Variants in CCSER1 observed in about 807,000 individuals in gnomAD.
CCSER1 encodes the protein coiled-coil serine rich protein 1.
In CCSER1, 41 loss-of-function variants were observed where a neutral mutation model predicts 82.0. That is an observed-to-expected ratio of 0.50 (90% confidence interval 0.39 to 0.65). The LOEUF is 0.65. CCSER1 is among the 30% of genes least tolerant of loss of function. The pLI, the probability that CCSER1 is intolerant of heterozygous loss-of-function variation, is 0.00. For missense variants in CCSER1, 1,119 were observed against 1,064.2 expected (o/e 1.05, Z -0.72); for synonymous variants, 414 against 383.9 (o/e 1.08, Z -0.92).
chr4:90,155,682 A>T (rs1176671303), intron 1 of CCSER1, among the ~76,000 whole-genome samples: 1 of 152,180 alleles, frequency 6.6e-6, no homozygotes, highest in Non-Finnish European at 1.5e-5. Context: ...TGTTCATAGT[A>T]TTCTCTGATG....
Position 91,343,599 on chromosome 4 carries a change from G to A in CCSER1, c.2218-254973G>A, listed in dbSNP as rs1388627396. Among the ~76,000 whole-genome samples the A allele has an allele frequency of 1.2e-4, 18 of 152,220 alleles. No homozygotes were observed. The East Asian group carries it at 2.3e-3, about 20-fold the overall frequency. ...TGTGGGTGCTCTGAATTTAAGGAAC[G>A]TTTATTTACAGAAGGAGAATTAAAT... On this transcript the variant is annotated intron_variant, in intron 10 of 10. Coordinates refer to ENST00000509176, the MANE Select transcript of CCSER1 (RefSeq NM_001145065.2).
At chr4:91,155,795 A>G (rs1483358844) in intron 10 of CCSER1, among the ~76,000 whole-genome samples, 1 of 151,976 alleles carries the variant, frequency 6.6e-6, no homozygotes. Context: ...AACAGTAAAA[A>G]TTAATGTAAC....
intron 9 of CCSER1, among the ~76,000 whole-genome samples, chr4:90,925,901 T>C (rs1349344861): frequency 6.6e-6 from 1 of 152,060 alleles, no homozygotes; most frequent in Non-Finnish European, 1.5e-5. Context: ...TGTAAAAACT[T>C]ATGAAAGTAA....
intron 10 of CCSER1, among the ~76,000 whole-genome samples, chr4:91,465,549 T>C (rs1756840408): frequency 6.6e-6 from 1 of 152,008 alleles, no homozygotes; most frequent in Admixed American, 6.6e-5. Flanking sequence ...CTTCAAAAAA[T>C]CAGTGAATCC....
intron 5 of CCSER1, among the ~76,000 whole-genome samples, chr4:90,622,367 C>A (rs1722473740): frequency 6.6e-6 from 1 of 152,016 alleles, no homozygotes; most frequent in East Asian, 1.9e-4. Context: ...TGTGCTGCAC[C>A]CATTAACTCC....
intron 10 of CCSER1, among the ~76,000 whole-genome samples, chr4:91,248,780 CA>C (rs1740019465): frequency 7.1e-6 from 1 of 141,634 alleles, no homozygotes; most frequent in Non-Finnish European, 1.5e-5. Context: ...AATAATGTAT[CA>C]ATATTAATTA....
intron 1 of CCSER1, among the ~76,000 whole-genome samples, chr4:90,270,132 T>C (rs1725984174): frequency 6.6e-6 from 1 of 151,932 alleles, no homozygotes; most frequent in Admixed American, 6.6e-5. Context: ...CTACTCCAAA[T>C]ATTATAGGAA....
At chr4:90,128,062 C>T (rs1477312823) in intron 1 of CCSER1, among the ~76,000 whole-genome samples, 1 of 152,020 alleles carries the variant, frequency 6.6e-6, no homozygotes, top group Non-Finnish European at 1.5e-5. Context: ...GCCCGCGACT[C>T]CCAGTGCGCC....
chr4:91,321,280 C>A (rs1746176624), intron 10 of CCSER1, among the ~76,000 whole-genome samples: 1 of 152,056 alleles, frequency 6.6e-6, no homozygotes, highest in African/African-American at 2.4e-5. Context: ...GTGAATTACA[C>A]CACTGTTAAT....
chr4:90,752,062 G>A (rs1748749250), intron 7 of CCSER1, among the ~76,000 whole-genome samples: 1 of 152,014 alleles, frequency 6.6e-6, no homozygotes, highest in African/African-American at 2.4e-5. Flanking sequence ...TATATTACAA[G>A]CTTTAATTTA....
intron 5 of CCSER1, among the ~76,000 whole-genome samples, chr4:90,539,399 A>G (rs972145585): frequency 6.6e-6 from 1 of 152,122 alleles, no homozygotes; most frequent in Non-Finnish European, 1.5e-5. Context: ...TATATTCTAG[A>G]TTAAACTCAG....
chr4:90,925,394 T>G (rs2150259099), intron 9 of CCSER1, among the ~76,000 whole-genome samples: 1 of 152,310 alleles, frequency 6.6e-6, no homozygotes, highest in East Asian at 1.9e-4. Flanking sequence ...ATTTTCAATT[T>G]TATTTAAAGA....
chr4:90,479,042 C>G (rs1765511968), intron 5 of CCSER1, among the ~76,000 whole-genome samples: 1 of 151,954 alleles, frequency 6.6e-6, no homozygotes, highest in Non-Finnish European at 1.5e-5. Flanking sequence ...CGGGCCTGTA[C>G]TTTCTTTTAA....
intron 10 of CCSER1, among the ~76,000 whole-genome samples, chr4:91,160,058 C>T (rs1297790546): frequency 3.3e-5 from 5 of 151,876 alleles, no homozygotes; most frequent in Admixed American, 3.3e-4. Context: ...GCCCCCACCC[C>T]ATGACAGGCC....
chr4:91,457,815 C>T (rs1756273563), intron 10 of CCSER1, among the ~76,000 whole-genome samples: 1 of 152,082 alleles, frequency 6.6e-6, no homozygotes, highest in African/African-American at 2.4e-5. Context: ...CAAGCTTTAT[C>T]ATCTAAAATG....
Position 90,415,373 on chromosome 4 carries a change from G to A in CCSER1, c.1603+15244G>A, listed in dbSNP as rs17016979. On this transcript the variant is annotated intron_variant, in intron 4 of 10. Coordinates refer to ENST00000509176, the MANE Select transcript of CCSER1 (RefSeq NM_001145065.2). Reference sequence around the variant, plus strand: ...AAAAGCTTGGAGCCTTATAAGGAACGTACTTAATTCAAAATAAAATCGATT... The same window carrying A: ...AAAAGCTTGGAGCCTTATAAGGAACATACTTAATTCAAAATAAAATCGATT... 9.5e-3 allele frequency among the ~76,000 whole-genome samples: 1,453 copies of A among 152,188 alleles called. 20 individuals carry two copies. Among genetic ancestry groups the A allele is most frequent in the African/African-American group, 0.033 (1,386 of 41,512 alleles).
At chr4:90,653,755 A>G (rs753506423) in intron 6 of CCSER1, among the ~76,000 whole-genome samples, 16 of 152,172 alleles carry the variant, frequency 1.1e-4, no homozygotes, top group Non-Finnish European at 1.6e-4. Context: ...ATGCACGTCT[A>G]CAAAAACGCA....
chr4:90,860,319 A>C (rs190849482), intron 8 of CCSER1, among the ~76,000 whole-genome samples: 6 of 151,532 alleles, frequency 4.0e-5, no homozygotes, highest in Non-Finnish European at 8.9e-5. Context: ...CTTGACACCC[A>C]CTAGGATGGC....
chr4:90,669,696 A>G lies in CCSER1; in HGVS notation c.1932+41464A>G, dbSNP rs532866993. On this transcript the variant is annotated intron_variant, in intron 6 of 10. Coordinates refer to ENST00000509176, the MANE Select transcript of CCSER1 (RefSeq NM_001145065.2). ...AAGGTTGGTGTGAATGAATCATGTC[A>G]CCTTCATTTGAGTTCTCTCTTCAAC... Among the ~76,000 whole-genome samples, 6 of 152,196 alleles carry G rather than the reference A, an allele frequency of 3.9e-5. No homozygotes were observed. The South Asian group carries it at 1.2e-3, about 32-fold the overall frequency.
Sources: gnomAD v4.1 joint callset for allele counts (sites outside exome capture counted in the v4.1 genomes callset) on GRCh38, gnomAD v4.1.1 for gene constraint, MANE v1.5 for transcripts, NCBI Gene and HGNC (gene_info 2026-07-23, HGNC 2026-07-21) for gene names.